Variants in ZC3H12B observed in about 807,000 individuals in gnomAD.
The protein encoded by ZC3H12B is zinc finger CCCH-type containing 12B, also known as probable ribonuclease ZC3H12B.
Under a neutral mutation model 43.9 loss-of-function variants are expected in ZC3H12B, and 7 were observed. The observed-to-expected ratio is 0.16, with a 90% CI of 0.09 to 0.30. The LOEUF (loss-of-function observed/expected upper bound fraction) is 0.30, where lower values mean the gene tolerates loss of function less well. Ranked by LOEUF, ZC3H12B falls within the 10% of genes least tolerant of loss-of-function variation. The probability of loss-of-function intolerance (pLI) is 1.00; values close to 1 mark genes in which losing one functional copy is unlikely to be tolerated. For synonymous variants in ZC3H12B, 222 were observed against 241.7 expected (o/e 0.92, Z 0.76); for missense variants, 475 against 670.2 (o/e 0.71, Z 3.22).
At chrX:65,461,125 A>T (rs7878586) in intron 3 of ZC3H12B, among the ~76,000 whole-genome samples, 26,743 of 111,819 alleles carry the variant, frequency 0.24, 7,675 homozygotes, top group African/African-American at 0.83. Flanking sequence ...TCACTGGCCA[A>T]CAGAGAAATG....
At chrX:65,357,005 T>C in the ZC3H12B span, 43 of 516,428 alleles carry the variant, frequency 8.3e-5, no homozygotes, top group South Asian at 1.1e-3. Flanking sequence ...ATAAAATGGA[T>C]GTTGTTACCT....
At chrX:65,223,719 T>G in the ZC3H12B span, among the ~76,000 whole-genome samples, 1 of 111,731 alleles carries the variant, frequency 9.0e-6, no homozygotes, top group East Asian at 2.8e-4. Context: ...TATGAAGAAA[T>G]GCTCAACATC....
At chrX:65,124,316 T>C in the ZC3H12B span, among the ~76,000 whole-genome samples, 3 of 111,518 alleles carry the variant, frequency 2.7e-5, no homozygotes, top group Non-Finnish European at 3.8e-5. Context: ...TGTTAAACCA[T>C]CTCTGCATCC....
the ZC3H12B span, among the ~76,000 whole-genome samples, chrX:65,141,130 A>G: frequency 9.1e-6 from 1 of 109,909 alleles, no homozygotes; most frequent in African/African-American, 3.3e-5. Context: ...TAGCTCCTTG[A>G]GGTAAAGTTA....
chrX:65,092,043 C>A, the ZC3H12B span, among the ~76,000 whole-genome samples: 1 of 111,123 alleles, frequency 9.0e-6, no homozygotes, highest in African/African-American at 3.3e-5. Context: ...ATAGAGCTTT[C>A]ATGAGATCTT....
At chrX:65,408,547 C>A in intron 3 of ZC3H12B, 2 of 1,199,746 alleles carry the variant, frequency 1.7e-6, no homozygotes, top group Non-Finnish European at 2.3e-6. Flanking sequence ...CTCCTGGAAT[C>A]CCGCCCCTCG....
chrX:65,361,249 C>T, the ZC3H12B span, among the ~76,000 whole-genome samples: 1 of 112,104 alleles, frequency 8.9e-6, no homozygotes, highest in African/African-American at 3.2e-5. Context: ...TAATTTACTT[C>T]CTGTGAAACA....
the ZC3H12B span, among the ~76,000 whole-genome samples, chrX:65,227,888 T>G: frequency 9.0e-6 from 1 of 111,466 alleles, no homozygotes; most frequent in Admixed American, 9.5e-5. Context: ...GTGGCAATAA[T>G]CAATAGCTTA....
the ZC3H12B span, among the ~76,000 whole-genome samples, chrX:65,067,498 T>C: frequency 1.8e-5 from 2 of 110,443 alleles, no homozygotes; most frequent in African/African-American, 6.6e-5. Flanking sequence ...CCCAGTGAGA[T>C]GAACCGTGTA....
At chrX:65,472,902 A>G (rs1316633193) in intron 3 of ZC3H12B, among the ~76,000 whole-genome samples, 1 of 92,481 alleles carries the variant, frequency 1.1e-5, no homozygotes, top group African/African-American at 4.0e-5. Context: ...TTGTGTATAT[A>G]TATGTTTATA....
chrX:65,166,336 T>C, the ZC3H12B span, among the ~76,000 whole-genome samples: 1 of 111,426 alleles, frequency 9.0e-6, no homozygotes. Flanking sequence ...AGAATGATGG[T>C]TTCCAGCTTC....
chrX:65,159,219 T>C, the ZC3H12B span, among the ~76,000 whole-genome samples: 5 of 112,085 alleles, frequency 4.5e-5, no homozygotes, highest in Admixed American at 3.8e-4. Flanking sequence ...TGCCTCCAGC[T>C]TTGTTCTTTT....
chrX:65,124,657 C>T, the ZC3H12B span, among the ~76,000 whole-genome samples: 3 of 110,576 alleles, frequency 2.7e-5, no homozygotes, highest in Non-Finnish European at 3.8e-5. Flanking sequence ...CCATTTCAAT[C>T]TTGCTGCTTG....
chrX:65,459,309 A>G (rs768592370), intron 3 of ZC3H12B, among the ~76,000 whole-genome samples: 3 of 112,150 alleles, frequency 2.7e-5, no homozygotes, highest in Non-Finnish European at 5.6e-5. Flanking sequence ...TCCTTCTGGA[A>G]CTACTCCAAT....
At chrX:65,055,627 T>G in the ZC3H12B span, among the ~76,000 whole-genome samples, 1 of 112,064 alleles carries the variant, frequency 8.9e-6, no homozygotes, top group Admixed American at 9.4e-5. Flanking sequence ...AGATTTCCTC[T>G]TTTTCTATTG....
chrX:65,438,450 T>C (rs1242953082), intron 3 of ZC3H12B, among the ~76,000 whole-genome samples: 4 of 111,917 alleles, frequency 3.6e-5, no homozygotes, highest in African/African-American at 1.3e-4. Context: ...ACTTTATTCC[T>C]AATGCCAAGA....
chrX:65,035,291 G>T, the ZC3H12B span, among the ~76,000 whole-genome samples: 1 of 112,047 alleles, frequency 8.9e-6, no homozygotes, highest in African/African-American at 3.2e-5. Flanking sequence ...CACCGCACTC[G>T]CTCGGTTCTA....
At chrX:65,248,192 G>A in the ZC3H12B span, among the ~76,000 whole-genome samples, 1 of 110,278 alleles carries the variant, frequency 9.1e-6, no homozygotes, top group African/African-American at 3.3e-5. Context: ...CCGCCACCAC[G>A]CCCAGCTAAT....
At chrX:65,078,741 T>A in the ZC3H12B span, among the ~76,000 whole-genome samples, 1 of 111,344 alleles carries the variant, frequency 9.0e-6, no homozygotes, top group African/African-American at 3.3e-5. Context: ...TTTTTAATTT[T>A]TGTGGGTACA....
Sources: gnomAD v4.1 joint callset for allele counts (sites outside exome capture counted in the v4.1 genomes callset) on GRCh38, gnomAD v4.1.1 for gene constraint, MANE v1.5 for transcripts, NCBI Gene and HGNC (gene_info 2026-07-23, HGNC 2026-07-21) for gene names.